Variants in GRM1 observed in about 807,000 individuals in gnomAD.
GRM1 encodes the protein metabotropic glutamate receptor 1.
In GRM1, 33 loss-of-function variants were observed where a neutral mutation model predicts 90.9. The observed-to-expected ratio is 0.36, with a 90% CI of 0.28 to 0.49. The LOEUF is 0.49. GRM1 is among the 20% of genes least tolerant of loss of function. GRM1 has a pLI of 0.99. For synonymous variants in GRM1, 700 were observed against 613.2 expected, an observed-to-expected ratio of 1.14 and a Z score of -2.09; for missense variants, 1,190 against 1,534.3, an observed-to-expected ratio of 0.78 and a Z score of 3.75.
intron 2 of GRM1, among the ~76,000 whole-genome samples, chr6:146,247,804 G>GTA (rs377170700): frequency 2.3e-3 from 276 of 118,866 alleles, no homozygotes; most frequent in African/African-American, 6.9e-3. Flanking sequence ...GTGTGTGTGT[G>GTA]TATATATATA....
In GRM1 at chr6:146,436,566, T is replaced by C. The variant is rs1271747121; in HGVS notation, c.*1770T>C. The C allele has an allele frequency of 6.6e-6, 1 of 152,224 alleles. No homozygotes were observed. Among genetic ancestry groups the C allele is most frequent in the African/African-American group, 2.4e-5 (1 of 41,444 alleles). 9.4% of individuals were successfully genotyped at this position (152,224 alleles called of 1,614,324 possible). On this transcript the variant is annotated 3_prime_UTR_variant, in exon 8 of 8. Transcript: ENST00000282753. ...ATTTTGCCTTCTTTTAATTTTTATG[T>C]TCATGGACTTTTATTCCTGTGTCTT...
chr6:146,278,769 G>A (rs1446655417), intron 2 of GRM1, among the ~76,000 whole-genome samples: 3 of 152,204 alleles, frequency 2.0e-5, no homozygotes, highest in Non-Finnish European at 4.4e-5. Context: ...GGGTGACAGA[G>A]TGAGACTCTG....
intron 1 of GRM1, among the ~76,000 whole-genome samples, chr6:146,154,072 T>C (rs1399700523): frequency 1.3e-5 from 2 of 152,224 alleles, no homozygotes; most frequent in Non-Finnish European, 2.9e-5. Context: ...TTTCTGAGTA[T>C]GCCTAAGGGT....
chr6:146,047,001 T>C (rs1791356027), intron 1 of GRM1, among the ~76,000 whole-genome samples: 1 of 151,920 alleles, frequency 6.6e-6, no homozygotes, highest in South Asian at 2.1e-4. Flanking sequence ...AAAAATAATC[T>C]CACATCAATA....
chr6:146,414,795 C>T (rs780497147), intron 7 of GRM1, among the ~76,000 whole-genome samples: 1 of 152,116 alleles, frequency 6.6e-6, no homozygotes, highest in African/African-American at 2.4e-5. Flanking sequence ...CTTTTCATTT[C>T]TTATTGGTAT....
chr6:146,387,014 C>G lies in GRM1; in HGVS notation c.1727C>G (p.Thr576Arg), dbSNP rs760106769. The change falls in exon 6 of 8, where the codon ACA becomes AGA. Residue 576 changes from threonine (T) to arginine (R), a missense_variant and splice_region_variant. Physicochemically the swap from Thr to Arg is moderately conservative, Grantham distance 71 (BLOSUM62 -1). Transcript: ENST00000282753. The part of the protein sequence containing the change: ...DLGWWPNADL[T>R]GCEPIPVRYL... ...GGATGGTGGCCCAATGCAGATCTAA[C>G]AGGTAGGAACTGCCTCACTTGGAAA... 6.2e-7 allele frequency: 1 copy of G among 1,612,808 alleles called. No homozygotes were observed.
Position 146,434,586 on chromosome 6 carries a change from A to AGAG in GRM1, c.3387_3389dup (p.Glu1129dup), listed in dbSNP as rs753934392. ...GGAACACGGAAGAAGACGAACTGGA[A>AGAG]GAGGAGGAGGAGGACCTGCAGGCGG... is the stretch of plus-strand genomic sequence containing the variant. On this transcript the variant is annotated inframe_insertion, in exon 8 of 8. Transcript: ENST00000282753. The AGAG allele has an allele frequency of 4.3e-6, 7 of 1,613,962 alleles. No homozygotes were observed. Among genetic ancestry groups the AGAG allele is most frequent in the East Asian group, 2.2e-5 (1 of 44,870 alleles).
At chr6:146,263,011 CACTT>C (rs1474743178) in intron 2 of GRM1, among the ~76,000 whole-genome samples, 1 of 151,932 alleles carries the variant, frequency 6.6e-6, no homozygotes, top group Non-Finnish European at 1.5e-5. Context: ...CACAGTACCA[CACTT>C]ACTGCTGCTG....
intron 7 of GRM1, among the ~76,000 whole-genome samples, chr6:146,430,835 A>G (rs1778381254): frequency 6.6e-6 from 1 of 152,222 alleles, no homozygotes; most frequent in South Asian, 2.1e-4. Context: ...ACAGAACAAA[A>G]CAAAAGCTTC....
intron 2 of GRM1, among the ~76,000 whole-genome samples, chr6:146,251,742 C>T (rs766542082): frequency 2.6e-5 from 4 of 152,200 alleles, no homozygotes; most frequent in Non-Finnish European, 4.4e-5. Context: ...TTACTTCTGT[C>T]CCTTCAATGG....
At chr6:146,283,508 G>A (rs1782655160) in intron 2 of GRM1, among the ~76,000 whole-genome samples, 1 of 152,094 alleles carries the variant, frequency 6.6e-6, no homozygotes, top group South Asian at 2.1e-4. Context: ...TATTCACCTT[G>A]CAAATTAAAA....
intron 2 of GRM1, among the ~76,000 whole-genome samples, chr6:146,267,675 G>GTCTCGTCTCGTCTCGTCTC (rs1781954757): frequency 9.7e-6 from 1 of 103,248 alleles, no homozygotes; most frequent in African/African-American, 7.9e-5. Context: ...GGGCTGGGCT[G>GTCTCGTCTCGTCTCGTCTC]GGCTGGGCTC....
At chr6:146,410,195 T>C (rs972742697) in intron 7 of GRM1, among the ~76,000 whole-genome samples, 3 of 152,166 alleles carry the variant, frequency 2.0e-5, no homozygotes, top group African/African-American at 7.2e-5. Flanking sequence ...TCTGTGACTG[T>C]AGCTGTTGAT....
chr6:146,434,787 C>T lies in GRM1; in HGVS notation c.3576C>T (p.Ser1192=), dbSNP rs2114702796. The T allele has an allele frequency of 3.1e-6, 5 of 1,598,582 alleles. No individual in the cohort carries two copies. The East Asian group carries it at 1.1e-4, about 36-fold the overall frequency. The change falls in exon 8 of 8, where the codon TCC becomes TCT. Residue 1192 remains serine, a synonymous_variant. Transcript: ENST00000282753. ...VILRDYKQSS[S]TL Reference sequence around the variant, plus strand: ...TGCGGGACTACAAGCAAAGCTCTTCCACCCTGTAAGGGGGAAGGGTCCACA... The same window carrying T: ...TGCGGGACTACAAGCAAAGCTCTTCTACCCTGTAAGGGGGAAGGGTCCACA...
chr6:146,394,847 C>T (rs1776869803), intron 6 of GRM1, among the ~76,000 whole-genome samples: 3 of 152,070 alleles, frequency 2.0e-5, no homozygotes, highest in Admixed American at 2.0e-4. Context: ...ATATACAATC[C>T]ATCTGGAGAT....
chr6:146,064,002 T>A (rs1282993189), intron 1 of GRM1, among the ~76,000 whole-genome samples: 2 of 152,178 alleles, frequency 1.3e-5, no homozygotes, highest in Non-Finnish European at 2.9e-5. Flanking sequence ...TTTCTTCATA[T>A]TTAGATAACT....
chr6:146,283,241 A>G (rs904490834), intron 2 of GRM1, among the ~76,000 whole-genome samples: 2 of 152,216 alleles, frequency 1.3e-5, no homozygotes, highest in African/African-American at 4.8e-5. Flanking sequence ...AAATGATTGT[A>G]GTTTTAAACT....
chr6:146,420,193 A>G (rs1160602794), intron 7 of GRM1, among the ~76,000 whole-genome samples: 1 of 152,218 alleles, frequency 6.6e-6, no homozygotes, highest in Non-Finnish European at 1.5e-5. Flanking sequence ...GGGCTCAAAA[A>G]CACTTTTGTA....
At chr6:146,327,305 G>A (rs921248029) in intron 3 of GRM1, among the ~76,000 whole-genome samples, 3 of 152,080 alleles carry the variant, frequency 2.0e-5, no homozygotes, top group Middle Eastern at 6.3e-3. Context: ...ATAAATTCAA[G>A]GTTGTGTTTA....
Sources: gnomAD v4.1 joint callset for allele counts (sites outside exome capture counted in the v4.1 genomes callset) on GRCh38, gnomAD v4.1.1 for gene constraint, MANE v1.5 for transcripts, NCBI Gene and HGNC (gene_info 2026-07-23, HGNC 2026-07-21) for gene names.